Variants in SNX8 observed in about 807,000 individuals in gnomAD.
SNX8 encodes the protein sorting nexin 8.
SNX8 carries 25 observed loss-of-function variants against 51.6 expected under a neutral mutation model. That is an observed-to-expected ratio of 0.48 (90% confidence interval 0.35 to 0.68). The LOEUF (loss-of-function observed/expected upper bound fraction) is 0.68, where lower values mean the gene tolerates loss of function less well. Ranked by LOEUF, SNX8 falls within the 30% of genes least tolerant of loss-of-function variation. The pLI, the probability that SNX8 is intolerant of heterozygous loss-of-function variation, is 0.00. For missense variants in SNX8, 695 were observed against 624.0 expected, an observed-to-expected ratio of 1.11 and a Z score of -1.21; for synonymous variants, 324 against 277.0, an observed-to-expected ratio of 1.17 and a Z score of -1.68.
At chr7:2,323,553 T>C (rs996583169) in intron 1 of SNX8, among the ~76,000 whole-genome samples, 1 of 152,130 alleles carries the variant, frequency 6.6e-6, no homozygotes, top group Non-Finnish European at 1.5e-5. Context: ...GCCACCATCC[T>C]GCATTTCTGC....
At chr7:2,342,202 A>T (rs1004705205) in intron 1 of SNX8, among the ~76,000 whole-genome samples, 2 of 151,484 alleles carry the variant, frequency 1.3e-5, no homozygotes, top group African/African-American at 4.8e-5. Context: ...AATAAATAAT[A>T]AATAAATAAA....
chr7:2,292,570 C>G (rs1359695924), intron 1 of SNX8, among the ~76,000 whole-genome samples: 1 of 151,990 alleles, frequency 6.6e-6, no homozygotes, highest in Admixed American at 6.6e-5. Flanking sequence ...CACCACCACA[C>G]CCGGCTAATT....
chr7:2,298,260 G>T (rs1354740261), intron 1 of SNX8, among the ~76,000 whole-genome samples: 2 of 152,024 alleles, frequency 1.3e-5, no homozygotes, highest in African/African-American at 4.8e-5. Flanking sequence ...CGGGGCTACA[G>T]GCCTGCCCCA....
intron 2 of SNX8, among the ~76,000 whole-genome samples, chr7:2,276,555 C>T (rs1024311972): frequency 3.3e-5 from 5 of 151,482 alleles, no homozygotes; most frequent in Admixed American, 3.3e-4. Flanking sequence ...GTGAGCCTAG[C>T]ACTTTGGCGG....
intron 6 of SNX8, 59 bp from the exon 7 acceptor site, chr7:2,263,421 C>T (rs967461438): frequency 1.5e-5 from 22 of 1,508,706 alleles, no homozygotes; most frequent in Admixed American, 1.2e-4. Flanking sequence ...ACCTGGCAGT[C>T]GAGTCTGGCA....
intron 1 of SNX8, among the ~76,000 whole-genome samples, chr7:2,352,752 C>G (rs1475388631): frequency 1.3e-5 from 2 of 151,914 alleles, no homozygotes; most frequent in African/African-American, 4.8e-5. Context: ...AAGAGAATGG[C>G]GTGAACCCGG....
At chr7:2,354,195 G>T (rs1779254935) in intron 1 of SNX8, 1 of 152,290 alleles carries the variant, frequency 6.6e-6, no homozygotes, top group South Asian at 2.1e-4. Context: ...AAGGACTGGG[G>T]GTAAGCGATT....
At chr7:2,340,788 C>CGGAGGTT (rs964086875) in intron 1 of SNX8, among the ~76,000 whole-genome samples, 1 of 122,476 alleles carries the variant, frequency 8.2e-6, no homozygotes, top group Admixed American at 1.1e-4. Flanking sequence ...ACCCGGAGGG[C>CGGAGGTT]GGAGGTTGCA....
At chr7:2,286,218 G>A (rs1584703141) in intron 1 of SNX8, among the ~76,000 whole-genome samples, 2 of 147,878 alleles carry the variant, frequency 1.4e-5, no homozygotes, top group South Asian at 4.3e-4. Flanking sequence ...CACCATGATG[G>A]CCAGGCTGGT....
intron 1 of SNX8, among the ~76,000 whole-genome samples, chr7:2,308,443 G>A (rs183989960): frequency 4.7e-4 from 71 of 151,972 alleles, no homozygotes; most frequent in South Asian, 3.3e-3. Context: ...TGCAGCGGGC[G>A]GATCACCTGA....
intron 1 of SNX8, among the ~76,000 whole-genome samples, chr7:2,294,837 CA>C (rs1243461855): frequency 2.6e-5 from 4 of 152,070 alleles, no homozygotes; most frequent in Admixed American, 1.3e-4. Context: ...AGCTGGAGAC[CA>C]GCCCGGGGAA....
In SNX8 at chr7:2,350,652, AT is replaced by A. The variant is rs55673011; in HGVS notation, c.-66+3569del. The stretch of plus-strand genomic sequence containing the variant: ...ACACTCTCCCCCATCTCTAAAAACA[AT>A]TTTTTTTTTTTGACACAGAGTCTCA... On this transcript the variant is annotated intron_variant, in intron 1 of 5. Transcript: ENST00000435336. 1.3e-3 allele frequency among the ~76,000 whole-genome samples: 196 copies of A among 146,954 alleles called. 1 individual carries two copies. Among genetic ancestry groups the A allele is most frequent in the South Asian group, 8.8e-3 (41 of 4,640 alleles).
intron 10 of SNX8, among the ~76,000 whole-genome samples, chr7:2,256,546 C>T (rs1222177705): frequency 1.3e-5 from 2 of 152,244 alleles, no homozygotes; most frequent in Non-Finnish European, 2.9e-5. Context: ...CGCTCCGAAG[C>T]GCTAGAAACC....
intron 1 of SNX8, among the ~76,000 whole-genome samples, chr7:2,304,721 C>G (rs1361772883): frequency 6.6e-6 from 1 of 152,116 alleles, no homozygotes; most frequent in African/African-American, 2.4e-5. Context: ...GGAAGGAAGG[C>G]TAACCGTGCA....
At chr7:2,274,313 C>T (rs1795723787) in intron 3 of SNX8, among the ~76,000 whole-genome samples, 1 of 152,232 alleles carries the variant, frequency 6.6e-6, no homozygotes, top group Non-Finnish European at 1.5e-5. Flanking sequence ...GGGGAACTGG[C>T]GACTGTGTTA....
chr7:2,256,628 ACT>A (rs1795185240), intron 10 of SNX8, among the ~76,000 whole-genome samples: 1 of 151,762 alleles, frequency 6.6e-6, no homozygotes, highest in Non-Finnish European at 1.5e-5. Flanking sequence ...CAGGAGGCAA[ACT>A]CTCCCTGTCT....
intron 1 of SNX8, among the ~76,000 whole-genome samples, chr7:2,285,018 C>T (rs909546187): frequency 6.6e-6 from 1 of 152,030 alleles, no homozygotes; most frequent in East Asian, 2.0e-4. Flanking sequence ...CGAGACCATC[C>T]TGGCTAACAC....
intron 1 of SNX8, among the ~76,000 whole-genome samples, chr7:2,291,508 G>GA (rs1796150295): frequency 6.6e-6 from 1 of 151,822 alleles, no homozygotes; most frequent in East Asian, 1.9e-4. Flanking sequence ...TGAGGCACGA[G>GA]AATCACTTGA....
intron 1 of SNX8, among the ~76,000 whole-genome samples, chr7:2,342,907 C>G (rs1182028337): frequency 6.6e-6 from 1 of 151,912 alleles, no homozygotes; most frequent in Non-Finnish European, 1.5e-5. Flanking sequence ...GCTGCAAGCT[C>G]CACCTCCCGC....
Sources: gnomAD v4.1 joint callset for allele counts (sites outside exome capture counted in the v4.1 genomes callset) on GRCh38, gnomAD v4.1.1 for gene constraint, MANE v1.5 for transcripts, NCBI Gene and HGNC (gene_info 2026-07-23, HGNC 2026-07-21) for gene names.